Variants in KDM2B observed in about 807,000 individuals in gnomAD.
KDM2B encodes the protein lysine-specific demethylase 2B.
Under a neutral mutation model 150.0 loss-of-function variants are expected in KDM2B, and 26 were observed. The ratio of observed to expected loss-of-function variants is 0.17; its 90% CI spans 0.13 to 0.24. KDM2B has a LOEUF of 0.24. Among genes scored for constraint, KDM2B ranks in the 10% least tolerant of loss-of-function variants. KDM2B has a pLI of 1.00. For missense variants in KDM2B, 1,265 were observed against 1,816.9 expected (o/e 0.70, Z 5.52); for synonymous variants, 734 against 729.5 (o/e 1.01, Z -0.10).
intron 22 of KDM2B, among the ~76,000 whole-genome samples, chr12:121,435,864 T>C (rs1331465789): frequency 1.3e-5 from 2 of 152,120 alleles, no homozygotes; most frequent in African/African-American, 4.8e-5. Context: ...ACCCTGTAAG[T>C]GTCGTCCATA....
chr12:121,500,335 G>C (rs1376221344), intron 11 of KDM2B, among the ~76,000 whole-genome samples: 1 of 152,154 alleles, frequency 6.6e-6, no homozygotes, highest in Non-Finnish European at 1.5e-5. Context: ...CCCTCCGAAA[G>C]TCCAGGGCAG....
At position 121,513,002 on chromosome 12, in the gene KDM2B, C is replaced by G. The variant is rs1885723038; in HGVS notation, c.1174+274G>C. 6.9e-6 allele frequency among the ~76,000 whole-genome samples: 1 copy of G among 145,278 alleles called. No individual in the cohort carries two copies. Among genetic ancestry groups the G allele is most frequent in the South Asian group, 2.2e-4 (1 of 4,592 alleles). On this transcript the variant is annotated intron_variant, in intron 10 of 22. Coordinates refer to ENST00000377071, the MANE Select transcript of KDM2B (RefSeq NM_032590.5). This position sits in a 1 kb window ranked among gnomAD's most constrained non-coding sequence, Gnocchi z 5.0. ...TGTGGGGTGATCCCGTTTTAGCAGC[C>G]AAGCCCGGGGCGGCCCCAACCTGCA...
Position 121,521,110 on chromosome 12 carries a change from G to T in KDM2B, c.932-10C>A, listed in dbSNP as rs782243255. On this transcript the variant is annotated splice_polypyrimidine_tract_variant and intron_variant, in intron 8 of 22. Transcript: ENST00000377071. The surrounding 1 kb of genome is among the most constrained non-coding windows in gnomAD (Gnocchi z 4.9). ...ACGGCATGGATCCAACCTGGGGTGG[G>T]AAGGGCAAGGAGAGGATGAGCCGCT... is the stretch of plus-strand genomic sequence containing the variant. 2 of 1,596,982 alleles carry T rather than the reference G, an allele frequency of 1.3e-6. No homozygotes were observed. Among genetic ancestry groups the T allele is most frequent in the Non-Finnish European group, 1.7e-6 (2 of 1,164,926 alleles).
intron 21 of KDM2B, 93 bp downstream of exon 21, chr12:121,440,723 T>C: frequency 8.0e-7 from 1 of 1,243,086 alleles, no homozygotes; most frequent in Non-Finnish European, 1.1e-6. Flanking sequence ...CCTATGTCCT[T>C]TGGGGAACAG....
intron 8 of KDM2B, among the ~76,000 whole-genome samples, chr12:121,527,319 A>G (rs1479497559): frequency 4.6e-5 from 6 of 131,184 alleles, no homozygotes; most frequent in African/African-American, 1.4e-4. Flanking sequence ...AAGTGCTGGG[A>G]TTACAGGCGT....
chr12:121,526,067 T>C (rs1295634188), intron 8 of KDM2B, among the ~76,000 whole-genome samples: 2 of 152,280 alleles, frequency 1.3e-5, no homozygotes, highest in African/African-American at 2.4e-5. Flanking sequence ...GTTTGTTAAA[T>C]GAAGCCGAGA....
chr12:121,466,168 G>C (rs11065585), intron 12 of KDM2B, among the ~76,000 whole-genome samples: 48,413 of 151,852 alleles, frequency 0.32, 9,240 homozygotes, highest in East Asian at 0.42. Flanking sequence ...TTTTGGCTGG[G>C]TCATTCCACA....
At chr12:121,438,338 G>A (rs1874358801) in intron 22 of KDM2B, among the ~76,000 whole-genome samples, 1 of 151,938 alleles carries the variant, frequency 6.6e-6, no homozygotes, top group Non-Finnish European at 1.5e-5. Flanking sequence ...AAAACAAAAT[G>A]CAAAAGATGA....
rs568110977 is a variant in KDM2B, at chr12:121,442,368, G to A, written c.3073C>T (p.Arg1025Trp). ...GGCGGGGACACGGAGGGTGGGGGCC[G>A]GGAGATGACACGGGGCGGGCTGCGC... ...SLRSPPRVIS[R>W]PPPSVSPPKC... The change falls in exon 19 of 23, where the codon CGG becomes TGG. Residue 1025 changes from arginine (R) to tryptophan (W), a missense_variant. By Grantham distance (101) the Arg-to-Trp change is moderately radical. Around this residue, in one of 11 missense-constraint regions of KDM2B, gnomAD observed 418 missense variants for 402.4 expected, o/e 1.04. Transcript: ENST00000377071. This position sits in a 1 kb window ranked among gnomAD's most constrained non-coding sequence, Gnocchi z 7.7. 4.7e-5 allele frequency: 75 copies of A among 1,583,564 alleles called. No homozygotes were observed. Among genetic ancestry groups the A allele is most frequent in the Non-Finnish European group, 6.3e-5 (73 of 1,163,306 alleles).
chr12:121,564,331 A>G (rs1890548341), intron 4 of KDM2B, among the ~76,000 whole-genome samples: 1 of 151,484 alleles, frequency 6.6e-6, no homozygotes, highest in Non-Finnish European at 1.5e-5. Context: ...GGTGGCGGGC[A>G]CCTGAAGTCC....
the KDM2B span, among the ~76,000 whole-genome samples, chr12:121,412,724 C>CTTTTTTT: frequency 8.2e-6 from 1 of 121,918 alleles, no homozygotes; most frequent in Non-Finnish European, 1.7e-5. Context: ...GATGTTCATG[C>CTTTTTTT]TTTTTTTTTT....
chr12:121,555,995 C>T (rs782590310), intron 4 of KDM2B, among the ~76,000 whole-genome samples: 10 of 151,840 alleles, frequency 6.6e-5, no homozygotes, highest in Non-Finnish European at 1.2e-4. Context: ...GGCACGATCT[C>T]GGCTCACTGC....
intron 11 of KDM2B, among the ~76,000 whole-genome samples, chr12:121,506,994 G>C (rs1040865711): frequency 2.0e-5 from 3 of 151,974 alleles, no homozygotes; most frequent in African/African-American, 7.3e-5. Context: ...CTACTCGGGA[G>C]GCTGAGGCAG....
At chr12:121,559,219 G>A (rs556132832) in intron 4 of KDM2B, among the ~76,000 whole-genome samples, 19 of 152,302 alleles carry the variant, frequency 1.2e-4, no homozygotes, top group Admixed American at 9.8e-4. Context: ...GGCCTGGGCA[G>A]GCCAAGTGAC....
At position 121,569,846 on chromosome 12, in the gene KDM2B, C is replaced by CT. The variant is rs1555315646; in HGVS notation, c.397+4700dup. 7.3e-3 allele frequency among the ~76,000 whole-genome samples: 1,062 copies of CT among 145,846 alleles called. 12 individuals carry two copies. Among genetic ancestry groups the CT allele is most frequent in the African/African-American group, 0.024 (958 of 39,554 alleles). ...TTTTCTTTTCTTTCTTTCTTTCTTT[C>CT]TTTTTTTTTTTGAGACAGGATCTCG... On this transcript the variant is annotated intron_variant, in intron 4 of 22. Transcript: ENST00000377071.
intron 4 of KDM2B, among the ~76,000 whole-genome samples, chr12:121,557,497 C>T (rs1889992556): frequency 2.0e-5 from 3 of 152,108 alleles, no homozygotes; most frequent in Admixed American, 2.0e-4. Flanking sequence ...ACCTCAGCCT[C>T]CCAAAGTGCT....
intron 11 of KDM2B, among the ~76,000 whole-genome samples, chr12:121,505,285 CA>C (rs34080184): frequency 0.22 from 18,812 of 84,346 alleles, 3,082 homozygotes; most frequent in African/African-American, 0.5. Context: ...GATTGCATCT[CA>C]AAAAAAAAAA....
At position 121,467,069 on chromosome 12, in the gene KDM2B, C is replaced by T. The variant is rs1880101738; in HGVS notation, c.1735-13725G>A. On this transcript the variant is annotated intron_variant, in intron 12 of 22. Coordinates refer to ENST00000377071, the MANE Select transcript of KDM2B (RefSeq NM_032590.5). The surrounding 1 kb of genome is among the most constrained non-coding windows in gnomAD (Gnocchi z 5.1). ...AACTTTCTCCTCATCGCGGCGGCGG[C>T]GGCGTCGCGGCCGCCCTCGGCGCGT... 5 of 699,394 alleles carry T rather than the reference C, an allele frequency of 7.1e-6. No homozygotes were observed. Among genetic ancestry groups the T allele is most frequent in the African/African-American group, 3.9e-5 (2 of 50,700 alleles). 43.3% of individuals were successfully genotyped at this position (699,394 alleles called of 1,614,324 possible). A position where few individuals can be genotyped will look rare whatever the true frequency, so the allele number is the denominator to read the frequency against.
intron 12 of KDM2B, among the ~76,000 whole-genome samples, chr12:121,466,374 C>T (rs1325559698): frequency 3.3e-5 from 5 of 152,202 alleles, no homozygotes; most frequent in Non-Finnish European, 7.3e-5. Context: ...AAACACGAAC[C>T]TTCCCGGAGT....
Sources: allele counts gnomAD v4.1 joint callset (sites outside exome capture counted in the v4.1 genomes callset), GRCh38; gene constraint gnomAD v4.1.1; regional missense constraint gnomAD v4.1.1; non-coding constraint Gnocchi (gnomAD v3.1); transcripts MANE v1.5; gene names NCBI Gene and HGNC (gene_info 2026-07-23, HGNC 2026-07-21).